Variants in CDH18 observed in about 807,000 individuals in gnomAD.
The protein encoded by CDH18 is cadherin 18, also known as cadherin-18.
In CDH18, 31 loss-of-function variants were observed where a neutral mutation model predicts 67.9. That is an observed-to-expected ratio of 0.46 (90% confidence interval 0.34 to 0.62). CDH18 has a LOEUF of 0.62. Among genes scored for constraint, CDH18 ranks in the 20% least tolerant of loss-of-function variants. The probability of loss-of-function intolerance (pLI) is 0.01; values close to 1 mark genes in which losing one functional copy is unlikely to be tolerated. For missense variants in CDH18, 890 were observed against 975.5 expected, an observed-to-expected ratio of 0.91 and a Z score of 1.17; for synonymous variants, 362 against 347.2, an observed-to-expected ratio of 1.04 and a Z score of -0.48.
chr5:20,235,538 T>C (rs1223451831), intron 2 of CDH18, among the ~76,000 whole-genome samples: 2 of 152,088 alleles, frequency 1.3e-5, no homozygotes, highest in South Asian at 4.1e-4. Flanking sequence ...TCGTCATCAC[T>C]AATAATTATA....
At chr5:20,351,177 TGTGTGTGTGTGTGTGC>T (rs1399341369) in intron 1 of CDH18, among the ~76,000 whole-genome samples, 1 of 142,578 alleles carries the variant, frequency 7.0e-6, no homozygotes, top group Admixed American at 7.4e-5. Context: ...TGTGTGTGTG[TGTGTGTGTGTGTGTGC>T]GTGTGTGTTA....
chr5:19,561,576 G>C (rs576087422), intron 8 of CDH18, among the ~76,000 whole-genome samples: 1 of 152,138 alleles, frequency 6.6e-6, no homozygotes, highest in East Asian at 1.9e-4. Context: ...GGTGATGGGT[G>C]CACCAAAATA....
rs143321024 is a variant in CDH18, at chr5:19,543,995, T to G, written c.1264A>C (p.Asn422His). 120 of 1,562,678 alleles carry G rather than the reference T, an allele frequency of 7.7e-5. No individual in the cohort carries two copies. Among genetic ancestry groups the G allele is most frequent in the Non-Finnish European group, 1.0e-4 (117 of 1,146,938 alleles). The change falls in exon 9 of 13, where the codon AAC becomes CAC. Residue 422 changes from asparagine (N) to histidine (H), a missense_variant. By Grantham distance (68) the Asn-to-His change is moderately conservative (BLOSUM62 1). Transcript: ENST00000382275. ...AATCTGTCGTCTTCAACATTGTAGT[T>G]GATGAAGTATCTAGAGAAAAAAAGA... ...STNSLVRYFI[N>H]YNVEDDRFFN...
At chr5:19,554,995 T>C (rs1324827004) in intron 8 of CDH18, among the ~76,000 whole-genome samples, 2 of 152,198 alleles carry the variant, frequency 1.3e-5, no homozygotes, top group African/African-American at 4.8e-5. Flanking sequence ...AATGTTCAAA[T>C]AGATCCAAAA....
intron 3 of CDH18, among the ~76,000 whole-genome samples, chr5:19,759,034 G>A (rs1771995691): frequency 6.6e-6 from 1 of 152,228 alleles, no homozygotes; most frequent in African/African-American, 2.4e-5. Flanking sequence ...GCCAGCTGAA[G>A]GCAAATTGCT....
chr5:19,536,709 C>T lies in CDH18; in HGVS notation c.1390+7160G>A, dbSNP rs114237571. On this transcript the variant is annotated intron_variant, in intron 9 of 12. Transcript: ENST00000382275. ...GCATGAATGAGAAACAGATGGAAGG[C>T]CTGGTACAACCAGGGTCGCTGGGCC... Among the ~76,000 whole-genome samples the T allele has an allele frequency of 7.2e-3, 1,090 of 152,216 alleles. 7 individuals carry two copies. The highest frequency in any genetic ancestry group is 0.011 in the Non-Finnish European group (720 of 68,010).
intron 7 of CDH18, among the ~76,000 whole-genome samples, chr5:19,573,686 T>C (rs1008737269): frequency 1.3e-5 from 2 of 152,204 alleles, no homozygotes; most frequent in African/African-American, 2.4e-5. Flanking sequence ...AATTTATCAA[T>C]AAGCCCCATC....
chr5:20,532,771 A>G (rs1383784355), intron 1 of CDH18, among the ~76,000 whole-genome samples: 1 of 152,154 alleles, frequency 6.6e-6, no homozygotes, highest in Non-Finnish European at 1.5e-5. Flanking sequence ...AATTCTTCCA[A>G]TAGGTTTTAC....
intron 2 of CDH18, among the ~76,000 whole-genome samples, chr5:20,083,432 C>A (rs989425429): frequency 2.6e-5 from 4 of 151,986 alleles, no homozygotes; most frequent in Non-Finnish European, 5.9e-5. Flanking sequence ...AGAGTTGTGG[C>A]AACCTGCATT....
chr5:19,802,211 T>G (rs1246416781), intron 3 of CDH18, among the ~76,000 whole-genome samples: 1 of 152,178 alleles, frequency 6.6e-6, no homozygotes, highest in African/African-American at 2.4e-5. Context: ...ACTATAAATG[T>G]GTTTAATACT....
chr5:19,476,234 G>A (rs1461715998), intron 12 of CDH18, among the ~76,000 whole-genome samples: 1 of 152,024 alleles, frequency 6.6e-6, no homozygotes, highest in Non-Finnish European at 1.5e-5. Flanking sequence ...CATTGGGAAG[G>A]TAATGAGAAA....
intron 6 of CDH18, among the ~76,000 whole-genome samples, chr5:19,605,965 T>C (rs1357486603): frequency 6.6e-6 from 1 of 152,082 alleles, no homozygotes; most frequent in African/African-American, 2.4e-5. Context: ...TTGACACTTG[T>C]AGAGGCTCTG....
chr5:19,671,406 CTTAA>C (rs1413480151), intron 5 of CDH18, among the ~76,000 whole-genome samples: 13 of 152,046 alleles, frequency 8.6e-5, no homozygotes, highest in Admixed American at 7.2e-4. Context: ...AGTCAACTTG[CTTAA>C]TTAGTTAAAA....
intron 2 of CDH18, among the ~76,000 whole-genome samples, chr5:20,116,095 A>T (rs1747885509): frequency 6.6e-6 from 1 of 152,216 alleles, no homozygotes; most frequent in Non-Finnish European, 1.5e-5. Context: ...TGTCTGCTTT[A>T]AACATTACTA....
chr5:19,872,783 G>A (rs1045058751), intron 2 of CDH18, among the ~76,000 whole-genome samples: 10 of 152,060 alleles, frequency 6.6e-5, no homozygotes, highest in African/African-American at 1.2e-4. Context: ...ATAAAAGCAC[G>A]GTAATTTGTT....
At chr5:19,616,274 C>T (rs350669) in intron 5 of CDH18, among the ~76,000 whole-genome samples, 5,786 of 151,902 alleles carry the variant, frequency 0.038, 320 homozygotes, top group African/African-American at 0.12. Flanking sequence ...AGTAAACACA[C>T]GCCTACATCC....
intron 1 of CDH18, among the ~76,000 whole-genome samples, chr5:20,255,740 T>C (rs999265113): frequency 3.9e-5 from 6 of 151,994 alleles, no homozygotes; most frequent in Middle Eastern, 3.2e-3. Context: ...GTGTTAGCCA[T>C]GTAGATATGG....
chr5:19,931,342 C>T (rs1793671823), intron 2 of CDH18, among the ~76,000 whole-genome samples: 1 of 151,864 alleles, frequency 6.6e-6, no homozygotes, highest in Admixed American at 6.6e-5. Context: ...TTCTGTCTTA[C>T]AGTTCCTAAA....
intron 1 of CDH18, among the ~76,000 whole-genome samples, chr5:20,395,566 T>G (rs1449699836): frequency 1.3e-5 from 2 of 152,188 alleles, no homozygotes; most frequent in African/African-American, 4.8e-5. Context: ...CAACAATAAC[T>G]TGTACCTCTA....
Sources: allele counts gnomAD v4.1 joint callset (sites outside exome capture counted in the v4.1 genomes callset), GRCh38; gene constraint gnomAD v4.1.1; transcripts MANE v1.5; gene names NCBI Gene and HGNC (gene_info 2026-07-23, HGNC 2026-07-21).